The following MMEL1 variants were observed in gnomAD, a reference collection of about 807,000 sequenced individuals.
The protein encoded by MMEL1 is membrane metalloendopeptidase like 1.
In MMEL1, 98 loss-of-function variants were observed where a neutral mutation model predicts 117.1. The ratio of observed to expected loss-of-function variants is 0.84; its 90% CI spans 0.71 to 0.99. The LOEUF is 0.99. MMEL1 is among the 50% of genes least tolerant of loss of function. MMEL1 has a pLI of 0.00. For missense variants in MMEL1, 1,014 were observed against 1,049.1 expected, an observed-to-expected ratio of 0.97 and a Z score of 0.46; for synonymous variants, 390 against 415.1, an observed-to-expected ratio of 0.94 and a Z score of 0.74.
intron 1 of MMEL1, among the ~76,000 whole-genome samples, chr1:2,632,292 G>C (rs1273395819): frequency 6.6e-6 from 1 of 152,176 alleles, no homozygotes; most frequent in African/African-American, 2.4e-5. Flanking sequence ...AGCTCCACGG[G>C]CAGGGGCACC....
intron 10 of MMEL1, 36 bp downstream of exon 10, chr1:2,604,111 T>G: frequency 2.0e-6 from 3 of 1,537,410 alleles, no homozygotes; most frequent in Non-Finnish European, 2.7e-6. Context: ...CCCAGCCCAC[T>G]CGCTGCCCGC....
At chr1:2,592,808 C>T (rs1298101212) in intron 20 of MMEL1, 25 bp downstream of exon 20, 1 of 1,612,800 alleles carries the variant, frequency 6.2e-7, no homozygotes, top group East Asian at 2.2e-5. Context: ...ACCCCCGCAG[C>T]CTGGGTGCTG....
chr1:2,611,721 A>C (rs918117667), intron 3 of MMEL1, among the ~76,000 whole-genome samples: 2 of 152,002 alleles, frequency 1.3e-5, no homozygotes, highest in African/African-American at 4.8e-5. Context: ...ATGTACCCCC[A>C]CAGCTGCCCC....
chr1:2,608,678 CAT>C (rs1233131614), intron 6 of MMEL1, among the ~76,000 whole-genome samples: 3 of 151,976 alleles, frequency 2.0e-5, no homozygotes, highest in African/African-American at 7.3e-5. Flanking sequence ...AGAATACACA[CAT>C]ATACACATAC....
At position 2,605,519 on chromosome 1, in the gene MMEL1, T is replaced by TG. The variant is rs757337436; in HGVS notation, c.816+38dup. The TG allele has an allele frequency of 3.6e-5, 56 of 1,574,842 alleles. No individual in the cohort carries two copies. In the Middle Eastern group the frequency reaches 6.8e-4, roughly 19 times the overall value. On this transcript the variant is annotated intron_variant, in intron 9 of 23. Transcript: ENST00000378412. ...GGCCAGACCACGGGGTAGGGGGTGATGGGGGGGTCATCTGGCATTGCGGTG... is the reference window on the plus strand; with the variant it reads ...GGCCAGACCACGGGGTAGGGGGTGATGGGGGGGGTCATCTGGCATTGCGGTG...
chr1:2,592,943 T>G lies in MMEL1; in HGVS notation c.1891A>C (p.Asn631His). Residue 631 changes from asparagine to histidine, a missense_variant, in exon 20 of 24, where the codon AAC becomes CAC. Transcript: ENST00000378412. ...DNGRNFDKNG[N>H]MMDWWSNFST... Reference sequence around the variant, plus strand: ...AAGTTACTCCACCAATCCATCATGTTGCCATTCTTGTCGAAGTTCCGGCCT... The same window carrying G: ...AAGTTACTCCACCAATCCATCATGTGGCCATTCTTGTCGAAGTTCCGGCCT... The G allele has an allele frequency of 6.2e-7, 1 of 1,613,698 alleles. No individual in the cohort carries two copies. The highest frequency in any genetic ancestry group is 1.1e-5 in the South Asian group (1 of 91,082).
chr1:2,633,005 T>G lies in MMEL1; in HGVS notation c.-177A>C. 1 of 985,694 alleles carries G rather than the reference T, an allele frequency of 1.0e-6. No individual in the cohort carries two copies. Among genetic ancestry groups the G allele is most frequent in the Non-Finnish European group, 1.2e-6 (1 of 830,258 alleles). 61.1% of individuals were successfully genotyped at this position (985,694 alleles called of 1,614,324 possible). ...GGGAGAGCAGTGGCTTGGGGCTGAG[T>G]TGAGGCTGCCTGAAGGCTTCTGGGC... On this transcript the variant is annotated 5_prime_UTR_variant, in exon 1 of 24. Coordinates refer to ENST00000378412, the MANE Select transcript of MMEL1 (RefSeq NM_033467.4).
At chr1:2,611,116 C>G (rs1224584020) in intron 4 of MMEL1, among the ~76,000 whole-genome samples, 165 bp downstream of exon 4, 1 of 152,224 alleles carries the variant, frequency 6.6e-6, no homozygotes, top group Non-Finnish European at 1.5e-5. Context: ...GCCAGAAACA[C>G]CAGCTCCGCC....
chr1:2,590,981 G>C lies in MMEL1; in HGVS notation c.*9C>G, dbSNP rs1181239144. The C allele has an allele frequency of 6.4e-7, 1 of 1,568,924 alleles. No homozygotes were observed. The highest frequency in any genetic ancestry group is 8.6e-7 in the Non-Finnish European group (1 of 1,158,784). On this transcript the variant is annotated 3_prime_UTR_variant, in exon 24 of 24. Coordinates refer to ENST00000378412, the MANE Select transcript of MMEL1 (RefSeq NM_033467.4). ...TGGGCGTGGGCCGCACAGCGCGGCA[G>C]GGCCTTGGCTACCACACGCGGCATC...
At chr1:2,594,354 C>A (rs1482031339) in intron 18 of MMEL1, 31 bp downstream of exon 18, 2 of 1,550,872 alleles carry the variant, frequency 1.3e-6, no homozygotes, top group Admixed American at 2.0e-5. Context: ...CACCAAAGGG[C>A]CTGGGCAGGC....
intron 2 of MMEL1, among the ~76,000 whole-genome samples, chr1:2,623,043 C>G (rs909715112): frequency 6.6e-6 from 1 of 152,018 alleles, no homozygotes; most frequent in Admixed American, 6.6e-5. Flanking sequence ...ATGGCACGCA[C>G]CTGTAGTCCC....
chr1:2,617,251 C>A (rs1420990699), intron 2 of MMEL1, among the ~76,000 whole-genome samples: 4 of 151,944 alleles, frequency 2.6e-5, no homozygotes, highest in Non-Finnish European at 2.9e-5. Flanking sequence ...CACGGTGAAA[C>A]CCCGTCTCTA....
At chr1:2,597,850 C>A (rs551131256) in intron 13 of MMEL1, among the ~76,000 whole-genome samples, 4 of 152,350 alleles carry the variant, frequency 2.6e-5, no homozygotes, top group Admixed American at 2.0e-4. Flanking sequence ...ACGGGTCCGG[C>A]CCCTGCCTGC....
chr1:2,611,978 G>T lies in MMEL1; in HGVS notation c.232+149C>A, dbSNP rs1327576559. 5 of 696,710 alleles carry T rather than the reference G, an allele frequency of 7.2e-6. No homozygotes were observed. In the East Asian group the frequency reaches 1.4e-4, roughly 19 times the overall value. 43.2% of individuals were successfully genotyped at this position (696,710 alleles called of 1,614,324 possible). Reference sequence around the variant, plus strand: ...CGTCCAGCAGGTGCACCCAGCTGAGGTCCCTGCCACTGTCCTCTCCCCATG... The same window carrying T: ...CGTCCAGCAGGTGCACCCAGCTGAGTTCCCTGCCACTGTCCTCTCCCCATG... On this transcript the variant is annotated intron_variant, in intron 3 of 23. Coordinates refer to ENST00000378412, the MANE Select transcript of MMEL1 (RefSeq NM_033467.4).
At chr1:2,599,046 C>CA (rs1185104545) in intron 11 of MMEL1, among the ~76,000 whole-genome samples, 3 of 151,760 alleles carry the variant, frequency 2.0e-5, no homozygotes, top group Non-Finnish European at 2.9e-5. Context: ...GCAAAAATGA[C>CA]AAAAAAAGAA....
chr1:2,595,462 G>A lies in MMEL1; in HGVS notation c.1501-103C>T. On this transcript the variant is annotated intron_variant, in intron 15 of 23. Coordinates refer to ENST00000378412, the MANE Select transcript of MMEL1 (RefSeq NM_033467.4). The surrounding 1 kb of genome is among the most constrained non-coding windows in gnomAD (Gnocchi z 4.8). ...ACACTGTGGGAGGGGTCAGCCCGGG[G>A]CATCCTGGCTGTGCTCTCCCTGTCC... is the stretch of plus-strand genomic sequence containing the variant. The A allele has an allele frequency of 1.0e-6, 1 of 961,820 alleles. No individual in the cohort carries two copies. Among genetic ancestry groups the A allele is most frequent in the Non-Finnish European group, 1.6e-6 (1 of 606,526 alleles). The allele number at this position is 961,820 out of a possible 1,614,324, so 59.6% of individuals were successfully genotyped here.
chr1:2,605,782 C>A (rs925830563), intron 8 of MMEL1, among the ~76,000 whole-genome samples, 159 bp from the exon 9 acceptor site: 6 of 151,730 alleles, frequency 4.0e-5, no homozygotes, highest in African/African-American at 1.5e-4. Flanking sequence ...GGAGGCCAGA[C>A]CCTGCCCCGA....
chr1:2,608,446 T>C (rs1242606950), intron 6 of MMEL1, among the ~76,000 whole-genome samples: 1 of 151,784 alleles, frequency 6.6e-6, no homozygotes, highest in African/African-American at 2.4e-5. Flanking sequence ...TCCACATACA[T>C]CCACATGCAC....
intron 10 of MMEL1, 26 bp from the exon 11 acceptor site, chr1:2,603,999 G>C (rs755139238): frequency 6.2e-7 from 1 of 1,611,886 alleles, no homozygotes; most frequent in Admixed American, 1.7e-5. Context: ...CAGTCACACG[G>C]GCGGGTGGCC....
Sources: gnomAD v4.1 joint callset for allele counts (sites outside exome capture counted in the v4.1 genomes callset) on GRCh38, gnomAD v4.1.1 for gene constraint, Gnocchi (gnomAD v3.1) non-coding constraint, MANE v1.5 for transcripts, NCBI Gene and HGNC (gene_info 2026-07-23, HGNC 2026-07-21) for gene names.